Variants in SLC1A1 observed in about 807,000 individuals in gnomAD.
SLC1A1 encodes excitatory amino acid transporter 3.
In SLC1A1, 43 loss-of-function variants were observed where a neutral mutation model predicts 53.3. That is an observed-to-expected ratio of 0.81 (90% CI 0.63 to 1.04). The LOEUF (loss-of-function observed/expected upper bound fraction) is 1.04, where lower values mean the gene tolerates loss of function less well. Among genes scored for constraint, SLC1A1 ranks in the 50% least tolerant of loss-of-function variants. SLC1A1 has a pLI of 0.00. For missense variants in SLC1A1, 748 were observed against 664.9 expected, an observed-to-expected ratio of 1.12 and a Z score of -1.37; for synonymous variants, 307 against 243.2, an observed-to-expected ratio of 1.26 and a Z score of -2.44.
At position 4,579,000 on chromosome 9, in the gene SLC1A1, T is replaced by A. The variant is rs16921527; in HGVS notation, c.1193+2237T>A. 8.4e-3 allele frequency among the ~76,000 whole-genome samples: 1,283 copies of A among 152,334 alleles called. 21 individuals are homozygous for A. The highest frequency in any genetic ancestry group is 0.029 in the African/African-American group (1,210 of 41,576). On this transcript the variant is annotated intron_variant, in intron 10 of 11. Transcript: ENST00000262352. ...CCAGCCTAAACATAAATTCTAGGGA[T>A]AAAATCAGAGTTTGTTAACTAACAA...
rs1352801908 is a variant in SLC1A1 at position 4,586,954 on chromosome 9, C to T, written c.*1396C>T. On this transcript the variant is annotated 3_prime_UTR_variant, in exon 12 of 12. Coordinates refer to ENST00000262352, the MANE Select transcript of SLC1A1 (RefSeq NM_004170.6). ...AGATAGTTTATTATAGTCTGTACTT[C>T]AGTTCTCATCTTGTAAATAATGCTT... is the stretch of plus-strand genomic sequence containing the variant. The T allele has an allele frequency of 6.6e-6, 1 of 152,602 alleles. No homozygotes were observed. Among genetic ancestry groups the T allele is most frequent in the African/African-American group, 2.4e-5 (1 of 41,448 alleles). The allele number at this position is 152,602 out of a possible 1,614,324, so 9.5% of individuals were successfully genotyped here.
intron 4 of SLC1A1, among the ~76,000 whole-genome samples, 154 bp from the exon 5 acceptor site, chr9:4,565,893 G>T (rs929767869): frequency 6.6e-6 from 1 of 152,122 alleles, no homozygotes; most frequent in Non-Finnish European, 1.5e-5. Flanking sequence ...CAGGAAAAAA[G>T]AAATCTCAAT....
At chr9:4,585,192 G>A in intron 11 of SLC1A1, 120 bp from the exon 12 acceptor site, 1 of 1,352,612 alleles carries the variant, frequency 7.4e-7, no homozygotes, top group Middle Eastern at 2.6e-4. Flanking sequence ...TCAGCCATGA[G>A]GACAGCACTT....
intron 1 of SLC1A1, among the ~76,000 whole-genome samples, chr9:4,521,396 G>A (rs546581302): frequency 1.3e-5 from 2 of 152,282 alleles, no homozygotes; most frequent in South Asian, 4.1e-4. Context: ...TTTTACTGTT[G>A]AGGCCCTGCA....
chr9:4,541,845 G>C lies in SLC1A1; in HGVS notation c.92-2722G>C, dbSNP rs181382649. Among the ~76,000 whole-genome samples, 32 of 152,292 alleles carry C rather than the reference G, an allele frequency of 2.1e-4. No individual in the cohort carries two copies. In the East Asian group the frequency reaches 5.8e-3, roughly 28 times the overall value. On this transcript the variant is annotated intron_variant, in intron 1 of 11. Transcript: ENST00000262352. ...GGGCAGTTATTCCTAGCAGCCTTTG[G>C]CTTTGGGAACCTCTCCATAATTCTT...
At chr9:4,577,653 T>C (rs1303062220) in intron 10 of SLC1A1, among the ~76,000 whole-genome samples, 1 of 152,066 alleles carries the variant, frequency 6.6e-6, no homozygotes, top group Admixed American at 6.5e-5. Flanking sequence ...TTTTTGAATT[T>C]TTAGTAGAGA....
intron 6 of SLC1A1, among the ~76,000 whole-genome samples, chr9:4,571,793 AG>A (rs1820081752): frequency 6.6e-6 from 1 of 152,236 alleles, no homozygotes; most frequent in Non-Finnish European, 1.5e-5. Context: ...ATGTCCTAAA[AG>A]TGTTCACACT....
intron 1 of SLC1A1, among the ~76,000 whole-genome samples, chr9:4,500,335 G>C (rs1485102271): frequency 6.6e-6 from 1 of 152,086 alleles, no homozygotes; most frequent in Non-Finnish European, 1.5e-5. Context: ...TTGAGACAGA[G>C]TCTCACTCTG....
At chr9:4,559,836 T>C (rs1355809714) in intron 2 of SLC1A1, 1 of 152,238 alleles carries the variant, frequency 6.6e-6, no homozygotes, top group African/African-American at 2.4e-5. Flanking sequence ...TGCCGAAAGA[T>C]GATTCAGTTG....
intron 1 of SLC1A1, among the ~76,000 whole-genome samples, chr9:4,508,557 C>G (rs534322190): frequency 6.6e-6 from 1 of 152,314 alleles, no homozygotes; most frequent in Admixed American, 6.5e-5. Context: ...GTCATGTGTA[C>G]AGCACCATAG....
intron 2 of SLC1A1, among the ~76,000 whole-genome samples, chr9:4,548,182 C>T (rs988640857): frequency 6.6e-6 from 1 of 152,122 alleles, no homozygotes; most frequent in Non-Finnish European, 1.5e-5. Flanking sequence ...CTCCCTTCCC[C>T]TGCCGGCTCA....
chr9:4,547,275 G>C (rs1048883028), intron 2 of SLC1A1, among the ~76,000 whole-genome samples: 1 of 152,162 alleles, frequency 6.6e-6, no homozygotes, highest in Non-Finnish European at 1.5e-5. Flanking sequence ...TTACAACTCA[G>C]CATTCCACTG....
At chr9:4,527,453 C>T (rs1816303076) in intron 1 of SLC1A1, among the ~76,000 whole-genome samples, 1 of 152,164 alleles carries the variant, frequency 6.6e-6, no homozygotes, top group African/African-American at 2.4e-5. Flanking sequence ...TGTAAATTGA[C>T]ATGCTATATA....
At chr9:4,517,555 C>T (rs553996965) in intron 1 of SLC1A1, among the ~76,000 whole-genome samples, 2 of 152,260 alleles carry the variant, frequency 1.3e-5, no homozygotes, top group African/African-American at 2.4e-5. Context: ...TATTTGCTTT[C>T]GGCTGAACAC....
intron 3 of SLC1A1, among the ~76,000 whole-genome samples, chr9:4,562,065 CT>C (rs745615028): frequency 0.25 from 23,671 of 93,946 alleles, 2,668 homozygotes; most frequent in South Asian, 0.3. Flanking sequence ...GCCCTAACTA[CT>C]TTTTTTTTTT....
chr9:4,539,620 G>C (rs10974609), intron 1 of SLC1A1, among the ~76,000 whole-genome samples: 19,213 of 152,068 alleles, frequency 0.13, 1,345 homozygotes, highest in South Asian at 0.31. Context: ...CATCTAGGCT[G>C]GAGTACAGTG....
chr9:4,580,661 T>G, intron 10 of SLC1A1, among the ~76,000 whole-genome samples: 1 of 53,032 alleles, frequency 1.9e-5, no homozygotes, highest in East Asian at 1.2e-3. Context: ...GTATAAGGAA[T>G]AAAGAAGAAA....
At chr9:4,545,302 C>G (rs889544527) in intron 2 of SLC1A1, among the ~76,000 whole-genome samples, 4 of 151,638 alleles carry the variant, frequency 2.6e-5, no homozygotes, top group Non-Finnish European at 5.9e-5. Context: ...TTGTCATATG[C>G]TGTGCCTACA....
intron 1 of SLC1A1, among the ~76,000 whole-genome samples, chr9:4,536,916 C>T (rs1816696837): frequency 2.0e-5 from 3 of 151,918 alleles, no homozygotes; most frequent in South Asian, 4.2e-4. Flanking sequence ...AGCTGGAAAC[C>T]ATCATTCTCA....
Sources: gnomAD v4.1 joint callset for allele counts (sites outside exome capture counted in the v4.1 genomes callset) on GRCh38, gnomAD v4.1.1 for gene constraint, MANE v1.5 for transcripts, NCBI Gene and HGNC (gene_info 2026-07-23, HGNC 2026-07-21) for gene names.